Variants in CHCHD3 observed in about 807,000 individuals in gnomAD.
The protein encoded by CHCHD3 is MICOS complex subunit MIC19.
Under a neutral mutation model 38.2 loss-of-function variants are expected in CHCHD3, and 20 were observed. That is an observed-to-expected ratio of 0.52 (90% CI 0.37 to 0.76). CHCHD3 has a LOEUF of 0.76. Among genes scored for constraint, CHCHD3 ranks in the 30% least tolerant of loss-of-function variants. The probability of loss-of-function intolerance (pLI) is 0.00; values close to 1 mark genes in which losing one functional copy is unlikely to be tolerated. For synonymous variants in CHCHD3, 82 were observed against 100.0 expected (o/e 0.82, Z 1.07); for missense variants, 245 against 279.2 (o/e 0.88, Z 0.87).
In CHCHD3 at chr7:133,022,606, G is replaced by T. The variant is rs1391963304; in HGVS notation, c.251+1940C>A. The T allele has an allele frequency of 7.5e-6, 3 of 397,464 alleles. No homozygotes were observed. The East Asian group carries it at 2.2e-4, about 29-fold the overall frequency. The allele number at this position is 397,464 out of a possible 1,614,324, so 24.6% of individuals were successfully genotyped here. The stretch of plus-strand genomic sequence containing the variant: ...TGACAGCTGAAGTTTTCATGAAGGA[G>T]GCTTCAAACAAAACTTTTTTTAAAA... On this transcript the variant is annotated intron_variant, in intron 3 of 7. Coordinates refer to ENST00000262570, the MANE Select transcript of CHCHD3 (RefSeq NM_017812.4).
At chr7:132,974,367 C>CT (rs2117330796) in intron 4 of CHCHD3, among the ~76,000 whole-genome samples, 1 of 152,226 alleles carries the variant, frequency 6.6e-6, no homozygotes, top group South Asian at 2.1e-4. Context: ...AAAATATTTT[C>CT]TTTTTAAAAA....
chr7:132,862,438 C>CA (rs992165247), intron 5 of CHCHD3, among the ~76,000 whole-genome samples: 1 of 151,880 alleles, frequency 6.6e-6, no homozygotes, highest in Non-Finnish European at 1.5e-5. Flanking sequence ...AGCATTATGT[C>CA]AAAAAAAGTA....
chr7:132,795,405 G>A (rs1298919523), intron 7 of CHCHD3, among the ~76,000 whole-genome samples: 3 of 152,152 alleles, frequency 2.0e-5, no homozygotes, highest in Admixed American at 6.5e-5. Flanking sequence ...TTATACAAGT[G>A]CAGCTACAAG....
intron 7 of CHCHD3, among the ~76,000 whole-genome samples, chr7:132,786,532 T>C (rs1806322686): frequency 6.6e-6 from 1 of 152,102 alleles, no homozygotes; most frequent in African/African-American, 2.4e-5. Flanking sequence ...GAAATGGGGG[T>C]ATACTGCCTT....
intron 6 of CHCHD3, among the ~76,000 whole-genome samples, chr7:132,806,402 C>A (rs1018079289): frequency 1.3e-5 from 2 of 152,090 alleles, no homozygotes; most frequent in Admixed American, 6.6e-5. Context: ...TGGGACAAGA[C>A]CAAGAGACTG....
intron 6 of CHCHD3, among the ~76,000 whole-genome samples, chr7:132,827,954 G>A (rs1161366272): frequency 6.6e-6 from 1 of 152,092 alleles, no homozygotes; most frequent in East Asian, 1.9e-4. Context: ...CATCTCTCCT[G>A]CCCCTTTCTG....
chr7:132,842,257 G>A (rs1293868805), intron 5 of CHCHD3, among the ~76,000 whole-genome samples: 2 of 151,882 alleles, frequency 1.3e-5, no homozygotes, highest in Non-Finnish European at 2.9e-5. Flanking sequence ...GGCTAAGTGG[G>A]GATTTTATAT....
intron 5 of CHCHD3, among the ~76,000 whole-genome samples, chr7:132,842,157 A>C (rs1165255045): frequency 1.3e-5 from 2 of 151,736 alleles, no homozygotes; most frequent in African/African-American, 4.8e-5. Flanking sequence ...TATTACTCCC[A>C]CCTCCCTCCA....
intron 2 of CHCHD3, among the ~76,000 whole-genome samples, chr7:133,028,799 C>A (rs761837562): frequency 6.6e-6 from 1 of 151,488 alleles, no homozygotes; most frequent in Non-Finnish European, 1.5e-5. Context: ...GCAGGAGAAT[C>A]GCTTGAACTC....
chr7:132,945,532 T>G (rs1483974430), intron 4 of CHCHD3, among the ~76,000 whole-genome samples: 1 of 151,856 alleles, frequency 6.6e-6, no homozygotes, highest in Non-Finnish European at 1.5e-5. Context: ...CTCAAACTTC[T>G]TTACAAGTGA....
At chr7:132,873,167 A>C (rs1808807549) in intron 5 of CHCHD3, among the ~76,000 whole-genome samples, 1 of 152,054 alleles carries the variant, frequency 6.6e-6, no homozygotes, top group Admixed American at 6.6e-5. Context: ...TGAAAGTGAA[A>C]ATTTAATAGT....
At chr7:133,024,670 C>A in intron 2 of CHCHD3, 43 bp from the exon 3 acceptor site, 1 of 1,403,592 alleles carries the variant, frequency 7.1e-7, no homozygotes, top group South Asian at 1.2e-5. Context: ...TAGGTGACTT[C>A]TTAAAAATAA....
intron 6 of CHCHD3, among the ~76,000 whole-genome samples, chr7:132,826,539 C>G (rs960649895): frequency 5.9e-5 from 9 of 152,156 alleles, no homozygotes; most frequent in African/African-American, 2.2e-4. Context: ...CATACACACT[C>G]ACAAAAGGAA....
At chr7:133,017,532 A>G (rs1268367896) in intron 3 of CHCHD3, among the ~76,000 whole-genome samples, 1 of 152,238 alleles carries the variant, frequency 6.6e-6, no homozygotes, top group Non-Finnish European at 1.5e-5. Context: ...AAATGCAGAA[A>G]TTGACTTTGG....
chr7:132,946,193 TAC>T (rs1406625740), intron 4 of CHCHD3, among the ~76,000 whole-genome samples: 1 of 150,850 alleles, frequency 6.6e-6, no homozygotes, highest in African/African-American at 2.4e-5. Flanking sequence ...TGTGTGTGTA[TAC>T]ACACACATAT....
intron 6 of CHCHD3, among the ~76,000 whole-genome samples, chr7:132,822,372 A>G (rs1374049846): frequency 1.3e-5 from 2 of 152,196 alleles, no homozygotes; most frequent in South Asian, 4.1e-4. Context: ...GTATTTTTAA[A>G]TTATACAAGT....
intron 3 of CHCHD3, among the ~76,000 whole-genome samples, chr7:132,990,909 G>C (rs921258660): frequency 2.0e-5 from 3 of 149,782 alleles, no homozygotes; most frequent in African/African-American, 7.5e-5. Context: ...GAGCTGAGAG[G>C]TGGATGTGAG....
chr7:132,894,653 T>C (rs1258943189), intron 4 of CHCHD3, among the ~76,000 whole-genome samples: 4 of 152,212 alleles, frequency 2.6e-5, no homozygotes, highest in South Asian at 4.1e-4. Context: ...AAGCTAGATC[T>C]GTACTTTCCA....
chr7:132,917,250 T>C (rs1262360391), intron 4 of CHCHD3, among the ~76,000 whole-genome samples: 2 of 152,118 alleles, frequency 1.3e-5, no homozygotes, highest in Non-Finnish European at 2.9e-5. Flanking sequence ...GGGAACTAGT[T>C]TCCATCTTTA....
Sources: allele counts gnomAD v4.1 joint callset (sites outside exome capture counted in the v4.1 genomes callset), GRCh38; gene constraint gnomAD v4.1.1; transcripts MANE v1.5; gene names NCBI Gene and HGNC (gene_info 2026-07-23, HGNC 2026-07-21).